Variants in CHD5 observed in about 807,000 individuals in gnomAD.
CHD5 encodes the protein ATP-dependent chromatin remodeler CHD5.
In CHD5, 69 loss-of-function variants were observed where a neutral mutation model predicts 230.3. The observed-to-expected ratio is 0.30, with a 90% CI of 0.25 to 0.37. The LOEUF (loss-of-function observed/expected upper bound fraction) is 0.37, where lower values mean the gene tolerates loss of function less well. CHD5 is among the 10% of genes least tolerant of loss of function. CHD5 has a pLI of 1.00. For missense variants in CHD5, 1,827 were observed against 2,622.8 expected (o/e 0.70, Z 6.63); for synonymous variants, 1,064 against 1,065.9 (o/e 1.00, Z 0.03).
intron 1 of CHD5, among the ~76,000 whole-genome samples, chr1:6,169,033 AAGAG>A (rs935434447): frequency 7.6e-5 from 11 of 143,804 alleles, no homozygotes; most frequent in South Asian, 2.2e-4. Flanking sequence ...AAAAAAAAAA[AAGAG>A]AGAGAGAGAA....
In CHD5 at chr1:6,146,488, C is replaced by T; in HGVS notation, c.1591-65G>A. On this transcript the variant is annotated intron_variant, in intron 10 of 41. Transcript: ENST00000262450. The surrounding 1 kb of genome is among the most constrained non-coding windows in gnomAD (Gnocchi z 5.1). ...GCCATGGTCCCCTGCATCTCCCTAC[C>T]CAGCTCCTCTAGCCCCAGCCCAGGT... The T allele has an allele frequency of 1.3e-6, 2 of 1,516,828 alleles. No individual in the cohort carries two copies. The highest frequency in any genetic ancestry group is 1.8e-6 in the Non-Finnish European group (2 of 1,100,638). The allele number at this position is 1,516,828 out of a possible 1,614,324, so 94.0% of individuals were successfully genotyped here. A position where few individuals can be genotyped will look rare whatever the true frequency, so the allele number is the denominator to read the frequency against.
Position 6,124,597 on chromosome 1 carries a change from C to T in CHD5, c.4459G>A (p.Ala1487Thr). Residue 1487 changes from alanine (A) to threonine (T), a missense_variant, in exon 30 of 42, where the codon GCA becomes ACA. Ala to Thr is a moderately conservative substitution (Grantham distance 58). This residue lies in a region of CHD5 where 108 missense variants were observed against 152.4 expected (regional missense o/e 0.71). Coordinates refer to ENST00000262450, the MANE Select transcript of CHD5 (RefSeq NM_015557.3). ...EPGADGAETF[A>T]DGVPREGLSR... The stretch of plus-strand genomic sequence containing the variant: ...AGGCCCTCCCGGGGCACGCCGTCTG[C>T]GAAGGTCTCTGCACCATCCGCCCCC... 6 of 1,605,746 alleles carry T rather than the reference C, an allele frequency of 3.7e-6. No homozygotes were observed. The highest frequency in any genetic ancestry group is 1.1e-5 in the South Asian group (1 of 90,610).
rs772937291 is a variant in CHD5, at chr1:6,130,135, G to C, written c.3387+69C>G. The C allele has an allele frequency of 3.2e-6, 5 of 1,581,544 alleles. No individual in the cohort carries two copies. Among genetic ancestry groups the C allele is most frequent in the Non-Finnish European group, 4.3e-6 (5 of 1,155,228 alleles). On this transcript the variant is annotated intron_variant, in intron 22 of 41. Coordinates refer to ENST00000262450, the MANE Select transcript of CHD5 (RefSeq NM_015557.3). This position sits in a 1 kb window ranked among gnomAD's most constrained non-coding sequence, Gnocchi z 4.9. ...GGGGTGATGGCAAGAAGGGCATGAA[G>C]GACAGAACCTGCCTGAGGCCCGGGA...
chr1:6,127,206 G>C (rs1336879394), intron 25 of CHD5: 3 of 171,266 alleles, frequency 1.8e-5, no homozygotes, highest in Admixed American at 1.7e-4. Flanking sequence ...GTGTGGGGTG[G>C]ACCAGGCGTG....
rs1383444770 is a variant in CHD5 at position 6,159,524 on chromosome 1, G to T, written c.208-9C>A. 2 of 1,592,894 alleles carry T rather than the reference G, an allele frequency of 1.3e-6. No individual in the cohort carries two copies. Among genetic ancestry groups the T allele is most frequent in the Non-Finnish European group, 1.7e-6 (2 of 1,167,428 alleles). On this transcript the variant is annotated splice_polypyrimidine_tract_variant and intron_variant, in intron 2 of 41. Transcript: ENST00000262450. ...AGCTCATCATTGCTCCCCTGGAAAAGAAGGGGGACAGTGAGGGCAACAGAG... is the reference window on the plus strand; with the variant it reads ...AGCTCATCATTGCTCCCCTGGAAAATAAGGGGGACAGTGAGGGCAACAGAG...
chr1:6,112,420 T>C, intron 34 of CHD5, 143 bp from the exon 35 acceptor site: 1 of 1,038,196 alleles, frequency 9.6e-7, no homozygotes, highest in Non-Finnish European at 1.4e-6. Flanking sequence ...AGAAGGGTCT[T>C]AAACAAGCCA....
chr1:6,146,655 G>C lies in CHD5; in HGVS notation c.1590+10C>G, dbSNP rs772235107. On this transcript the variant is annotated intron_variant, in intron 10 of 41. Coordinates refer to ENST00000262450, the MANE Select transcript of CHD5 (RefSeq NM_015557.3). The surrounding 1 kb of genome is among the most constrained non-coding windows in gnomAD (Gnocchi z 5.1). ...CGGGCCTTAGCACAGCCACCCTCCCGGGCACTCACCTGTAGCTCCTTCACC... is the reference window on the plus strand; with the variant it reads ...CGGGCCTTAGCACAGCCACCCTCCCCGGCACTCACCTGTAGCTCCTTCACC... 6.2e-7 allele frequency: 1 copy of C among 1,613,382 alleles called. No individual in the cohort carries two copies. Among genetic ancestry groups the C allele is most frequent in the African/African-American group, 1.3e-5 (1 of 74,878 alleles).
At position 6,152,400 on chromosome 1, in the gene CHD5, G is replaced by A. The variant is rs369874327; in HGVS notation, c.870+12C>T. On this transcript the variant is annotated intron_variant, in intron 6 of 41. Coordinates refer to ENST00000262450, the MANE Select transcript of CHD5 (RefSeq NM_015557.3). ...CAAATGCACACACACGCGCACACACGCACACACTCACCGAGGAGCCTTTCT... is the reference window on the plus strand; with the variant it reads ...CAAATGCACACACACGCGCACACACACACACACTCACCGAGGAGCCTTTCT... The A allele has an allele frequency of 4.7e-4, 752 of 1,610,572 alleles. 2 individuals are homozygous for A. The African/African-American group carries it at 6.3e-3, about 14-fold the overall frequency.
intron 1 of CHD5, among the ~76,000 whole-genome samples, chr1:6,172,870 G>A (rs1667360283): frequency 6.6e-6 from 1 of 152,162 alleles, no homozygotes. Context: ...GCAGAGCAAG[G>A]ACGCAGCCGC....
rs59161085 is a variant in CHD5, at chr1:6,126,755, G to A, written c.3904-9C>T. On this transcript the variant is annotated splice_polypyrimidine_tract_variant and intron_variant, in intron 25 of 41. Coordinates refer to ENST00000262450, the MANE Select transcript of CHD5 (RefSeq NM_015557.3). This position sits in a 1 kb window ranked among gnomAD's most constrained non-coding sequence, Gnocchi z 5.7. ...TCCCGCTCCACCTCCTCCTGGGGACGCAGCACCACGGGTTCCATGGGTGGA... is the reference window on the plus strand; with the variant it reads ...TCCCGCTCCACCTCCTCCTGGGGACACAGCACCACGGGTTCCATGGGTGGA... 1.5e-3 allele frequency: 2,363 copies of A among 1,611,428 alleles called. 25 individuals carry two copies. The African/African-American group carries it at 0.026, about 18-fold the overall frequency.
intron 38 of CHD5, among the ~76,000 whole-genome samples, chr1:6,107,351 G>A (rs1230626706): frequency 1.4e-5 from 2 of 140,336 alleles, no homozygotes; most frequent in Admixed American, 7.0e-5. Flanking sequence ...GGGATGGAGG[G>A]ATAATGAAGG....
At chr1:6,132,122 AC>A (rs1666667270) in intron 20 of CHD5, among the ~76,000 whole-genome samples, 1 of 151,596 alleles carries the variant, frequency 6.6e-6, no homozygotes, top group Admixed American at 6.6e-5. Flanking sequence ...TGGAATGCCC[AC>A]CCCCTTACTG....
chr1:6,169,744 G>A (rs915097762), intron 1 of CHD5, among the ~76,000 whole-genome samples: 6 of 152,158 alleles, frequency 3.9e-5, no homozygotes, highest in African/African-American at 7.2e-5. Context: ...AAGGGCCCAC[G>A]AGAGAGCCGG....
At position 6,155,070 on chromosome 1, in the gene CHD5, C is replaced by T. The variant is rs1164955523; in HGVS notation, c.507-172G>A. Among the ~76,000 whole-genome samples, 4 of 149,364 alleles carry T rather than the reference C, an allele frequency of 2.7e-5. No individual in the cohort carries two copies. The highest frequency in any genetic ancestry group is 5.0e-5 in the African/African-American group (2 of 39,772). On this transcript the variant is annotated intron_variant, in intron 4 of 41. Coordinates refer to ENST00000262450, the MANE Select transcript of CHD5 (RefSeq NM_015557.3). This position sits in a 1 kb window ranked among gnomAD's most constrained non-coding sequence, Gnocchi z 4.0. ...CACTGACCACAGCCCACCCCCAAAA[C>T]GCCCCAGCTTCCTGTCCACACCCAC...
At chr1:6,139,126 T>C (rs926761439) in intron 15 of CHD5, among the ~76,000 whole-genome samples, 2 of 152,190 alleles carry the variant, frequency 1.3e-5, no homozygotes, top group African/African-American at 4.8e-5. Context: ...ATGTTCATGT[T>C]TAATGGGGAC....
intron 2 of CHD5, among the ~76,000 whole-genome samples, chr1:6,162,511 C>T (rs1465179395): frequency 6.6e-6 from 1 of 152,160 alleles, no homozygotes; most frequent in Non-Finnish European, 1.5e-5. Context: ...GACGTGCACC[C>T]AGGTCTCCAG....
At chr1:6,136,946 G>T in intron 15 of CHD5, 81 bp from the exon 16 acceptor site, 3 of 1,463,046 alleles carry the variant, frequency 2.1e-6, no homozygotes, top group South Asian at 1.3e-5. Context: ...AGCCAAGAAG[G>T]AGGTGTGCAC....
At chr1:6,136,014 TAAA>T (rs55975312) in intron 17 of CHD5, among the ~76,000 whole-genome samples, 1 of 119,442 alleles carries the variant, frequency 8.4e-6, no homozygotes, top group African/African-American at 3.0e-5. Context: ...TTTCTTTTAA[TAAA>T]AAAAAACAAC....
rs913266165 is a variant in CHD5, at chr1:6,128,292, C to T, written c.3731-74G>A. Reference sequence around the variant, plus strand: ...GCCCCGGGGTCCCAGGAACAGACTCCCAACAATGGCCCTTCCCATCCCCAG... The same window carrying T: ...GCCCCGGGGTCCCAGGAACAGACTCTCAACAATGGCCCTTCCCATCCCCAG... On this transcript the variant is annotated intron_variant, in intron 24 of 41. Transcript: ENST00000262450. This position sits in a 1 kb window ranked among gnomAD's most constrained non-coding sequence, Gnocchi z 7.8. 13 of 1,451,182 alleles carry T rather than the reference C, an allele frequency of 9.0e-6. No individual in the cohort carries two copies. Among genetic ancestry groups the T allele is most frequent in the Admixed American group, 3.6e-5 (2 of 55,218 alleles). The allele number at this position is 1,451,182 out of a possible 1,614,324, so 89.9% of individuals were successfully genotyped here.
Sources: allele counts gnomAD v4.1 joint callset (sites outside exome capture counted in the v4.1 genomes callset), GRCh38; gene constraint gnomAD v4.1.1; regional missense constraint gnomAD v4.1.1; non-coding constraint Gnocchi (gnomAD v3.1); transcripts MANE v1.5; gene names NCBI Gene and HGNC (gene_info 2026-07-23, HGNC 2026-07-21).